RFX6: variants seen among roughly 807,000 people sequenced by gnomAD.
RFX6 encodes the protein DNA-binding protein RFX6.
Under a neutral mutation model 110.8 loss-of-function variants are expected in RFX6, and 50 were observed. That is an observed-to-expected ratio of 0.45 (90% CI 0.36 to 0.57). RFX6 has a LOEUF of 0.57. Among genes scored for constraint, RFX6 ranks in the 20% least tolerant of loss-of-function variants. RFX6 has a pLI of 0.00. For missense variants in RFX6, 990 were observed against 1,127.0 expected (o/e 0.88, Z 1.74); for synonymous variants, 383 against 411.2 (o/e 0.93, Z 0.83).
At chr6:116,920,236 C>A (rs1775562868) in intron 11 of RFX6, 74 bp from the exon 12 acceptor site, 3 of 1,184,162 alleles carry the variant, frequency 2.5e-6, no homozygotes, top group African/African-American at 3.0e-5. Flanking sequence ...AACTATTTTT[C>A]TGATAGCTAA....
intron 16 of RFX6, among the ~76,000 whole-genome samples, chr6:116,926,052 C>T (rs1046011565): frequency 6.6e-6 from 1 of 152,180 alleles, no homozygotes; most frequent in Non-Finnish European, 1.5e-5. Context: ...TATGGTGGCT[C>T]ATGCCTGTAA....
intron 6 of RFX6, among the ~76,000 whole-genome samples, chr6:116,903,015 T>C (rs976073407): frequency 3.3e-5 from 5 of 152,004 alleles, no homozygotes; most frequent in African/African-American, 1.2e-4. Flanking sequence ...AAGTTATCAA[T>C]TGAGAAAGGA....
intron 17 of RFX6, among the ~76,000 whole-genome samples, chr6:116,927,833 C>T (rs1775782648): frequency 1.3e-5 from 2 of 148,530 alleles, no homozygotes; most frequent in South Asian, 4.3e-4. Flanking sequence ...AGCCTCAAAC[C>T]CCTAGCTCAA....
chr6:116,884,220 T>A (rs1478514632), intron 4 of RFX6, among the ~76,000 whole-genome samples: 1 of 152,138 alleles, frequency 6.6e-6, no homozygotes, highest in East Asian at 1.9e-4. Context: ...GTCCATTGAT[T>A]TATTGTAGGT....
rs1775567104 is a variant in RFX6, at chr6:116,920,357, G to A, written c.1230G>A (p.Val410=). ...LFDQHVVNSM[V]SDIERVDLNS... ...ACCAGCATGTCGTTAATTCTATGGTGTCTGATATTGAAAGGGTTGATTTGA... is the reference window on the plus strand; with the variant it reads ...ACCAGCATGTCGTTAATTCTATGGTATCTGATATTGAAAGGGTTGATTTGA... The change falls in exon 12 of 19, where the codon GTG becomes GTA. Residue 410 remains valine, a synonymous_variant. Coordinates refer to ENST00000332958, the MANE Select transcript of RFX6 (RefSeq NM_173560.4). 1.2e-6 allele frequency: 2 copies of A among 1,611,826 alleles called. No homozygotes were observed. Among genetic ancestry groups the A allele is most frequent in the Non-Finnish European group, 1.7e-6 (2 of 1,178,086 alleles).
At chr6:116,921,974 T>C (rs939637904) in intron 12 of RFX6, 68 bp from the exon 13 acceptor site, 1 of 759,586 alleles carries the variant, frequency 1.3e-6, no homozygotes, top group Non-Finnish European at 2.3e-6. Context: ...TTAGGTTTTC[T>C]CTTGGATTCC....
At chr6:116,925,208 C>G (rs1350728700) in intron 15 of RFX6, among the ~76,000 whole-genome samples, 1 of 152,188 alleles carries the variant, frequency 6.6e-6, no homozygotes, top group Non-Finnish European at 1.5e-5. Flanking sequence ...GAAGACTTCA[C>G]TCCAAACTGG....
chr6:116,923,025 A>G (rs912534197), intron 13 of RFX6, 82 bp from the exon 14 acceptor site: 3 of 790,742 alleles, frequency 3.8e-6, no homozygotes, highest in African/African-American at 1.7e-5. Context: ...TAGACAGTCT[A>G]TTTACTTCTT....
chr6:116,877,690 G>GC, intron 1 of RFX6, 106 bp from the exon 2 acceptor site: 2 of 500,518 alleles, frequency 4.0e-6, no homozygotes, highest in Non-Finnish European at 3.6e-6. Context: ...CCTCCCCTCC[G>GC]CCCCCACCCC....
At chr6:116,889,336 G>A (rs117148850) in intron 4 of RFX6, among the ~76,000 whole-genome samples, 4,465 of 152,116 alleles carry the variant, frequency 0.029, 103 homozygotes, top group South Asian at 0.079. Context: ...ATTTTTCTTC[G>A]TACTAATTTT....
chr6:116,918,032 T>A lies in RFX6; in HGVS notation c.973-5T>A. ...TTTGTATTAACCTCTTTTGCTATGA[T>A]TAAGGTTCTTACAGATGTACTCATT... is the stretch of plus-strand genomic sequence containing the variant. On this transcript the variant is annotated splice_region_variant and splice_polypyrimidine_tract_variant and intron_variant, in intron 9 of 18. Coordinates refer to ENST00000332958, the MANE Select transcript of RFX6 (RefSeq NM_173560.4). 6.3e-7 allele frequency: 1 copy of A among 1,598,404 alleles called. No homozygotes were observed.
At position 116,880,531 on chromosome 6, in the gene RFX6, T is replaced by C. The variant is rs1190426401; in HGVS notation, c.381-13T>C. 25 of 1,610,950 alleles carry C rather than the reference T, an allele frequency of 1.6e-5. No individual in the cohort carries two copies. The highest frequency in any genetic ancestry group is 2.0e-5 in the Non-Finnish European group (24 of 1,177,828). ...ATAAAATATTTGACCTAATTTTTGT[T>C]CCTTTTTCTTAGGCTTGAAGAGAAT... On this transcript the variant is annotated splice_polypyrimidine_tract_variant and intron_variant, in intron 2 of 18. Coordinates refer to ENST00000332958, the MANE Select transcript of RFX6 (RefSeq NM_173560.4).
chr6:116,880,412 A>C (rs895523380), intron 2 of RFX6, 132 bp from the exon 3 acceptor site: 3 of 764,104 alleles, frequency 3.9e-6, no homozygotes, highest in Non-Finnish European at 6.4e-6. Context: ...TATCCAGAAT[A>C]AACGAAGTCT....
chr6:116,909,568 G>T (rs1243563722), intron 6 of RFX6, among the ~76,000 whole-genome samples: 1 of 150,840 alleles, frequency 6.6e-6, no homozygotes, highest in Non-Finnish European at 1.5e-5. Flanking sequence ...TAAATAGAGT[G>T]GATTGGGATT....
chr6:116,907,430 T>C (rs1053209429), intron 6 of RFX6, among the ~76,000 whole-genome samples: 2 of 152,128 alleles, frequency 1.3e-5, no homozygotes, highest in African/African-American at 4.8e-5. Context: ...TTGAGATGTA[T>C]TGATATTAGT....
intron 7 of RFX6, among the ~76,000 whole-genome samples, chr6:116,915,681 T>G (rs1187811777): frequency 6.6e-6 from 1 of 152,058 alleles, no homozygotes; most frequent in East Asian, 1.9e-4. Context: ...AAAATTAATT[T>G]TAAAAAATTT....
rs1775615735 is a variant in RFX6 at position 116,922,219 on chromosome 6, T to A, written c.1437+68T>A. ...GAGTAAATGCTAAACTGGCTATAAT[T>A]TTTTGTCTGGGGGGAGAGGGGTGGA... On this transcript the variant is annotated intron_variant, in intron 13 of 18. Coordinates refer to ENST00000332958, the MANE Select transcript of RFX6 (RefSeq NM_173560.4). 3 of 843,230 alleles carry A rather than the reference T, an allele frequency of 3.6e-6. No individual in the cohort carries two copies. The Admixed American group carries it at 5.2e-5, about 15-fold the overall frequency. The allele number at this position is 843,230 out of a possible 1,614,324, so 52.2% of individuals were successfully genotyped here.
Position 116,877,917 on chromosome 6 carries a change from G to C in RFX6, c.345G>C (p.Lys115Asn). The change falls in exon 2 of 19, where the codon AAG (lysine) becomes AAC (asparagine). Residue 115 changes from lysine to asparagine, a missense_variant. Physicochemically the swap from Lys to Asn is moderately conservative, Grantham distance 94. Coordinates refer to ENST00000332958, the MANE Select transcript of RFX6 (RefSeq NM_173560.4). Reference sequence around the variant, plus strand: ...AGAAAACCATCACGCAGATTGTGAAGGATAAAAAGAAGCAGACACAGCTCA... The same window carrying C: ...AGAAAACCATCACGCAGATTGTGAACGATAAAAAGAAGCAGACACAGCTCA... ...SQKKTITQIVKDKKKQTQLTL... is the reference protein window; with the variant it reads ...SQKKTITQIVNDKKKQTQLTL... The C allele has an allele frequency of 6.2e-7, 1 of 1,614,172 alleles. No individual in the cohort carries two copies. The highest frequency in any genetic ancestry group is 8.5e-7 in the Non-Finnish European group (1 of 1,180,018).
At chr6:116,913,837 G>T (rs1182508919) in intron 7 of RFX6, among the ~76,000 whole-genome samples, 1 of 152,110 alleles carries the variant, frequency 6.6e-6, no homozygotes, top group Non-Finnish European at 1.5e-5. Flanking sequence ...TATTTTGGGG[G>T]CACATGTGAT....
Sources: allele counts gnomAD v4.1 joint callset (sites outside exome capture counted in the v4.1 genomes callset), GRCh38; gene constraint gnomAD v4.1.1; transcripts MANE v1.5; gene names NCBI Gene and HGNC (gene_info 2026-07-23, HGNC 2026-07-21).